The following ITPR2 variants were observed in gnomAD, a reference collection of about 807,000 sequenced individuals.
ITPR2 encodes inositol 1,4,5-trisphosphate-gated calcium channel ITPR2.
A neutral mutation model predicts 317.1 loss-of-function variants in ITPR2; 207 were observed. The observed-to-expected ratio is 0.65, with a 90% CI of 0.58 to 0.73. The LOEUF (loss-of-function observed/expected upper bound fraction) is 0.73, where lower values mean the gene tolerates loss of function less well. Ranked by LOEUF, ITPR2 falls within the 30% of genes least tolerant of loss-of-function variation. The pLI, the probability that ITPR2 is intolerant of heterozygous loss-of-function variation, is 0.00. For synonymous variants in ITPR2, 1,156 were observed against 1,149.1 expected, an observed-to-expected ratio of 1.01 and a Z score of -0.12; for missense variants, 2,613 against 3,284.0, an observed-to-expected ratio of 0.80 and a Z score of 4.99.
At chr12:26,390,067 T>C (rs1591983693) in intron 54 of ITPR2, among the ~76,000 whole-genome samples, 1 of 152,206 alleles carries the variant, frequency 6.6e-6, no homozygotes, top group East Asian at 1.9e-4. Context: ...TACTAAAATA[T>C]TGTTCCACTA....
intron 55 of ITPR2, among the ~76,000 whole-genome samples, chr12:26,380,007 C>A (rs1939458040): frequency 6.6e-6 from 1 of 152,178 alleles, no homozygotes. Context: ...AGGAAGTAAC[C>A]TAGAACATCT....
In ITPR2 at chr12:26,474,276, AAGAT is replaced by A. The variant is rs1007998163; in HGVS notation, c.6342+1016_6342+1019del. Among the ~76,000 whole-genome samples, 17 of 152,372 alleles carry A rather than the reference AAGAT, an allele frequency of 1.1e-4. No individual in the cohort carries two copies. In the South Asian group the frequency reaches 1.2e-3, roughly 11 times the overall value. On this transcript the variant is annotated intron_variant, in intron 45 of 56. Transcript: ENST00000381340. ...CAATGGGAGAAAATGATGAGAAAGA[AAGAT>A]AGAGCAAGTCTCTAAAGTTTGAACT... is the stretch of plus-strand genomic sequence containing the variant.
intron 37 of ITPR2, among the ~76,000 whole-genome samples, chr12:26,514,211 G>C (rs950483057): frequency 6.6e-6 from 1 of 152,084 alleles, no homozygotes; most frequent in African/African-American, 2.4e-5. Context: ...AAAAAAGAAA[G>C]AGTTTAGAAA....
intron 32 of ITPR2, among the ~76,000 whole-genome samples, chr12:26,587,701 C>G (rs1026103768): frequency 2.7e-5 from 4 of 149,518 alleles, no homozygotes; most frequent in Admixed American, 6.8e-5. Context: ...CGATCATCTT[C>G]TCCTTCTTCT....
At chr12:26,489,032 T>G (rs770244150) in intron 39 of ITPR2, among the ~76,000 whole-genome samples, 2 of 152,156 alleles carry the variant, frequency 1.3e-5, no homozygotes, top group Admixed American at 6.5e-5. Flanking sequence ...TAAAACAACC[T>G]CTTACGATGA....
chr12:26,638,792 C>G (rs991430508), intron 21 of ITPR2, among the ~76,000 whole-genome samples: 1 of 152,074 alleles, frequency 6.6e-6, no homozygotes, highest in East Asian at 1.9e-4. Flanking sequence ...TCCAAAACTA[C>G]ACAAATAGGA....
chr12:26,637,508 T>C (rs1049811755), intron 21 of ITPR2, among the ~76,000 whole-genome samples: 3 of 152,194 alleles, frequency 2.0e-5, no homozygotes, highest in African/African-American at 7.2e-5. Flanking sequence ...TGTCAAATCA[T>C]GTCATCATCC....
chr12:26,534,588 A>G (rs1474649817), intron 37 of ITPR2, among the ~76,000 whole-genome samples: 2 of 152,212 alleles, frequency 1.3e-5, no homozygotes, highest in Non-Finnish European at 2.9e-5. Flanking sequence ...AAATAAAGAA[A>G]AAGCAAAAGA....
intron 49 of ITPR2, among the ~76,000 whole-genome samples, chr12:26,423,567 C>G (rs1301750253): frequency 6.6e-6 from 1 of 151,972 alleles, no homozygotes; most frequent in Non-Finnish European, 1.5e-5. Flanking sequence ...ATTTAAAAAT[C>G]TGAACAACAA....
At chr12:26,502,969 T>A (rs936301160) in intron 37 of ITPR2, among the ~76,000 whole-genome samples, 1 of 152,156 alleles carries the variant, frequency 6.6e-6, no homozygotes, top group African/African-American at 2.4e-5. Context: ...GAACAATACA[T>A]ACGGGGACAT....
intron 48 of ITPR2, among the ~76,000 whole-genome samples, chr12:26,433,296 C>T (rs1191655957): frequency 6.6e-6 from 1 of 152,142 alleles, no homozygotes; most frequent in Non-Finnish European, 1.5e-5. Flanking sequence ...CTGTTAACTG[C>T]TATCCAGTCC....
At chr12:26,686,146 G>GA (rs111791648) in intron 11 of ITPR2, among the ~76,000 whole-genome samples, 9 of 151,780 alleles carry the variant, frequency 5.9e-5, no homozygotes, top group African/African-American at 2.2e-4. Flanking sequence ...AATGAAATGG[G>GA]AAATCTGACA....
intron 45 of ITPR2, among the ~76,000 whole-genome samples, chr12:26,472,152 A>C (rs1047167999): frequency 1.3e-5 from 2 of 152,240 alleles, no homozygotes; most frequent in East Asian, 3.8e-4. Context: ...TATGGTGGCA[A>C]GGAAATGACT....
At chr12:26,703,643 C>T (rs1948496499) in intron 9 of ITPR2, among the ~76,000 whole-genome samples, 1 of 152,160 alleles carries the variant, frequency 6.6e-6, no homozygotes, top group African/African-American at 2.4e-5. Context: ...AGCATTCATT[C>T]CTAATACTTT....
chr12:26,438,815 A>G (rs1353961460), intron 47 of ITPR2, among the ~76,000 whole-genome samples: 1 of 152,186 alleles, frequency 6.6e-6, no homozygotes, highest in Non-Finnish European at 1.5e-5. Flanking sequence ...CCATTCACGG[A>G]CTTCAAACCT....
intron 34 of ITPR2, among the ~76,000 whole-genome samples, chr12:26,567,959 TATATATATATTATATATATTA>T (rs1220471304): frequency 7.4e-4 from 18 of 24,438 alleles, no homozygotes; most frequent in Admixed American, 3.2e-3. Context: ...ATTATATATA[TATATATATATTATATATATTA>T]TATATATATA....
chr12:26,613,171 C>A (rs1267084344), intron 26 of ITPR2, among the ~76,000 whole-genome samples: 1 of 152,114 alleles, frequency 6.6e-6, no homozygotes, highest in Non-Finnish European at 1.5e-5. Context: ...AACAACGGGA[C>A]TGAAATGTAC....
intron 49 of ITPR2, among the ~76,000 whole-genome samples, chr12:26,422,315 T>G (rs992110594): frequency 6.7e-6 from 1 of 148,556 alleles, no homozygotes; most frequent in South Asian, 2.1e-4. Context: ...AATAATACTT[T>G]ATTGAATAAT....
At chr12:26,757,011 C>G (rs1294849980) in intron 2 of ITPR2, among the ~76,000 whole-genome samples, 1 of 152,188 alleles carries the variant, frequency 6.6e-6, no homozygotes. Flanking sequence ...CTCTGGTCAT[C>G]CTCACTGCTA....
Sources: gnomAD v4.1 joint callset for allele counts (sites outside exome capture counted in the v4.1 genomes callset) on GRCh38, gnomAD v4.1.1 for gene constraint, MANE v1.5 for transcripts, NCBI Gene and HGNC (gene_info 2026-07-23, HGNC 2026-07-21) for gene names.